SHC4: variants seen among roughly 807,000 people sequenced by gnomAD.
SHC4 encodes the protein SHC adaptor protein 4.
A neutral mutation model predicts 69.4 loss-of-function variants in SHC4; 41 were observed. The ratio of observed to expected loss-of-function variants is 0.59; its 90% CI spans 0.46 to 0.77. SHC4 has a LOEUF of 0.77. Among genes scored for constraint, SHC4 ranks in the 30% least tolerant of loss-of-function variants. The probability of loss-of-function intolerance (pLI) is 0.00; values close to 1 mark genes in which losing one functional copy is unlikely to be tolerated. For missense variants in SHC4, 777 were observed against 783.8 expected, an observed-to-expected ratio of 0.99 and a Z score of 0.10; for synonymous variants, 318 against 299.3, an observed-to-expected ratio of 1.06 and a Z score of -0.64.
chr15:48,956,033 G>A (rs11636290), intron 1 of SHC4, among the ~76,000 whole-genome samples: 7,898 of 152,204 alleles, frequency 0.052, 336 homozygotes, highest in Non-Finnish European at 0.071. Context: ...ACCAATCAAG[G>A]GATATGTGAA....
intron 1 of SHC4, among the ~76,000 whole-genome samples, chr15:48,948,517 G>T (rs183401531): frequency 4.6e-5 from 7 of 152,324 alleles, no homozygotes; most frequent in Admixed American, 3.3e-4. Flanking sequence ...GGCTTACCAA[G>T]AATTCTGCTA....
At chr15:48,860,198 C>T (rs1348750901) in intron 6 of SHC4, among the ~76,000 whole-genome samples, 4 of 152,118 alleles carry the variant, frequency 2.6e-5, no homozygotes, top group East Asian at 1.9e-4. Flanking sequence ...TTTTTAATCT[C>T]GTAAATTCCC....
intron 2 of SHC4, among the ~76,000 whole-genome samples, chr15:48,910,176 A>G (rs1356758298): frequency 6.6e-6 from 1 of 151,904 alleles, no homozygotes; most frequent in Non-Finnish European, 1.5e-5. Flanking sequence ...CTGTGAATCC[A>G]TCTGGTCCTG....
At position 48,890,780 on chromosome 15, in the gene SHC4, G is replaced by T; in HGVS notation, c.688C>A (p.Pro230Thr). The stretch of plus-strand genomic sequence containing the variant: ...TTTTTAATGGCTCCATTTGCCCCGG[G>T]GACAGCTTCACACAGGCGACTTATT... ...EAISRLCEAV[P>T]GANGAIKKRK... The change falls in exon 3 of 12, where the codon CCC (proline) becomes ACC (threonine). Residue 230 changes from proline to threonine, a missense_variant. Coordinates refer to ENST00000332408, the MANE Select transcript of SHC4 (RefSeq NM_203349.4). 2 of 1,614,012 alleles carry T rather than the reference G, an allele frequency of 1.2e-6. No individual in the cohort carries two copies. Among genetic ancestry groups the T allele is most frequent in the Non-Finnish European group, 1.7e-6 (2 of 1,179,998 alleles).
intron 6 of SHC4, among the ~76,000 whole-genome samples, chr15:48,860,862 T>A (rs1899426648): frequency 6.6e-6 from 1 of 152,234 alleles, no homozygotes; most frequent in Non-Finnish European, 1.5e-5. Flanking sequence ...GAGTCATCTT[T>A]GAAGTCTTTT....
At chr15:48,909,895 G>A (rs1451094082) in intron 2 of SHC4, among the ~76,000 whole-genome samples, 1 of 152,094 alleles carries the variant, frequency 6.6e-6, no homozygotes, top group African/African-American at 2.4e-5. Flanking sequence ...CGCATCCCTG[G>A]TATGAAACCC....
intron 6 of SHC4, among the ~76,000 whole-genome samples, chr15:48,859,986 A>T (rs971405395): frequency 6.6e-6 from 1 of 152,026 alleles, no homozygotes; most frequent in African/African-American, 2.4e-5. Flanking sequence ...GTGTACTGTG[A>T]TCACACCTGT....
At chr15:48,828,240 TG>T (rs1229863658) in intron 11 of SHC4, among the ~76,000 whole-genome samples, 1 of 152,164 alleles carries the variant, frequency 6.6e-6, no homozygotes, top group Non-Finnish European at 1.5e-5. Context: ...AGCAGATCTC[TG>T]GAACTTTTTC....
At chr15:48,907,814 ATGTGTGTGTG>A (rs60841488) in intron 2 of SHC4, among the ~76,000 whole-genome samples, 2 of 144,996 alleles carry the variant, frequency 1.4e-5, no homozygotes, top group African/African-American at 2.6e-5. Flanking sequence ...ATGAATGAAT[ATGTGTGTGTG>A]TGTGTGTGTG....
intron 1 of SHC4, chr15:48,946,632 G>A (rs541094813): frequency 1.0e-6 from 1 of 979,420 alleles, no homozygotes; most frequent in African/African-American, 1.7e-5. Flanking sequence ...TTCATGTTGA[G>A]ATTTTTCACT....
At chr15:48,878,757 G>A in intron 4 of SHC4, 1 of 1,596,168 alleles carries the variant, frequency 6.3e-7, no homozygotes. Context: ...GCTGTTAAAA[G>A]AGGAGGAAAC....
chr15:48,889,804 A>G (rs1900102377), intron 3 of SHC4, among the ~76,000 whole-genome samples: 1 of 152,208 alleles, frequency 6.6e-6, no homozygotes, highest in Non-Finnish European at 1.5e-5. Flanking sequence ...AGATCGCACC[A>G]TTGCACTCCA....
chr15:48,865,743 T>A (rs1244257036), intron 6 of SHC4, among the ~76,000 whole-genome samples: 2 of 152,122 alleles, frequency 1.3e-5, no homozygotes, highest in African/African-American at 4.8e-5. Flanking sequence ...TCACCTCCCA[T>A]CCAGGACCTC....
chr15:48,938,197 G>A (rs1901108751), intron 1 of SHC4: 1 of 152,168 alleles, frequency 6.6e-6, no homozygotes, highest in Non-Finnish European at 1.5e-5. Context: ...CTCAGATTAA[G>A]ATGTTTTGTA....
rs531924711 is a variant in SHC4, at chr15:48,880,335, T to A, written c.840+3913A>T. Among the ~76,000 whole-genome samples, 5 of 152,302 alleles carry A rather than the reference T, an allele frequency of 3.3e-5. No homozygotes were observed. In the East Asian group the frequency reaches 9.6e-4, roughly 29 times the overall value. ...GTAAAATGTTGGTGCTTAGACTTAA[T>A]CCTACTGCCTCTTCCACTGCTTTCT... On this transcript the variant is annotated intron_variant, in intron 4 of 11. Transcript: ENST00000332408.
chr15:48,919,796 C>G (rs185780990), intron 2 of SHC4, among the ~76,000 whole-genome samples: 12 of 152,200 alleles, frequency 7.9e-5, no homozygotes, highest in Admixed American at 7.2e-4. Flanking sequence ...CCATCACACT[C>G]GAGCTTCCAT....
intron 4 of SHC4, among the ~76,000 whole-genome samples, chr15:48,883,380 G>A (rs2141002121): frequency 6.6e-6 from 1 of 152,212 alleles, no homozygotes; most frequent in South Asian, 2.1e-4. Context: ...CTAGTAAGTG[G>A]CAAAGCCAGC....
At chr15:48,827,777 A>G (rs1898716695) in intron 11 of SHC4, among the ~76,000 whole-genome samples, 1 of 152,158 alleles carries the variant, frequency 6.6e-6, no homozygotes, top group South Asian at 2.1e-4. Flanking sequence ...AACTATTTTG[A>G]ATTAAAAATA....
intron 1 of SHC4, among the ~76,000 whole-genome samples, chr15:48,942,931 C>A (rs1901201712): frequency 6.6e-6 from 1 of 152,202 alleles, no homozygotes; most frequent in African/African-American, 2.4e-5. Context: ...TAGGTGATAC[C>A]ATGCTGGCTC....
Sources: gnomAD v4.1 joint callset for allele counts (sites outside exome capture counted in the v4.1 genomes callset) on GRCh38, gnomAD v4.1.1 for gene constraint, MANE v1.5 for transcripts, NCBI Gene and HGNC (gene_info 2026-07-23, HGNC 2026-07-21) for gene names.